Variants in CRIM1 observed in about 807,000 individuals in gnomAD.
CRIM1 encodes cysteine-rich motor neuron 1 protein.
CRIM1 carries 32 observed loss-of-function variants against 116.4 expected under a neutral mutation model. That is an observed-to-expected ratio of 0.27 (90% CI 0.21 to 0.37). The LOEUF is 0.37. CRIM1 is among the 10% of genes least tolerant of loss of function. The pLI is 1.00. For missense variants in CRIM1, 1,331 were observed against 1,354.8 expected, an observed-to-expected ratio of 0.98 and a Z score of 0.28; for synonymous variants, 590 against 509.2, an observed-to-expected ratio of 1.16 and a Z score of -2.13.
At chr2:36,543,080 A>ATGTT (rs1667059934) in intron 14 of CRIM1, among the ~76,000 whole-genome samples, 1 of 152,040 alleles carries the variant, frequency 6.6e-6, no homozygotes, top group African/African-American at 2.4e-5. Flanking sequence ...AGTTCTTTTT[A>ATGTT]TGTTTAAAGG....
At chr2:36,444,073 AG>A (rs1448327212) in intron 4 of CRIM1, among the ~76,000 whole-genome samples, 1 of 152,240 alleles carries the variant, frequency 6.6e-6, no homozygotes, top group East Asian at 1.9e-4. Context: ...ATGTCCCTTC[AG>A]GGTCTTCCTG....
rs546735906 is a variant in CRIM1 at position 36,478,343 on chromosome 2, A to T, written c.1175-1154A>T. 7.9e-5 allele frequency among the ~76,000 whole-genome samples: 12 copies of T among 152,308 alleles called. No individual in the cohort carries two copies. In the South Asian group the frequency reaches 2.5e-3, roughly 32 times the overall value. ...TGTTCCCTACCTGCCCCCAGTCTGC[A>T]ATAGTTCTGAAACTGTGCAGCAGTT... On this transcript the variant is annotated intron_variant, in intron 6 of 16. Coordinates refer to ENST00000280527, the MANE Select transcript of CRIM1 (RefSeq NM_016441.3).
At chr2:36,407,703 C>CAA (rs10719018) in intron 2 of CRIM1, among the ~76,000 whole-genome samples, 2,558 of 99,644 alleles carry the variant, frequency 0.026, 64 homozygotes, top group East Asian at 0.1. Flanking sequence ...TTGTGCCCGT[C>CAA]AAAAAAAAAA....
intron 1 of CRIM1, among the ~76,000 whole-genome samples, chr2:36,383,350 T>C (rs1425182363): frequency 6.6e-6 from 1 of 152,252 alleles, no homozygotes; most frequent in Non-Finnish European, 1.5e-5. Context: ...TCCTAGTCCT[T>C]GGAAGGCCTG....
At chr2:36,475,174 A>G (rs886313178) in intron 5 of CRIM1, among the ~76,000 whole-genome samples, 6 of 152,254 alleles carry the variant, frequency 3.9e-5, no homozygotes, top group African/African-American at 1.4e-4. Context: ...TTGAACATGT[A>G]GATCAATTTG....
At chr2:36,374,263 C>T (rs796805665) in intron 1 of CRIM1, among the ~76,000 whole-genome samples, 58 of 152,310 alleles carry the variant, frequency 3.8e-4, no homozygotes, top group African/African-American at 1.3e-3. Context: ...ATCTAAATTC[C>T]CTCTTTGTAG....
chr2:36,510,302 G>A (rs182909671), intron 9 of CRIM1, among the ~76,000 whole-genome samples, 163 bp downstream of exon 9: 5 of 152,182 alleles, frequency 3.3e-5, no homozygotes, highest in Admixed American at 1.3e-4. Context: ...GGAGAAGGTT[G>A]TATCTCCAAA....
chr2:36,506,179 TCTCA>T (rs1167768814), intron 8 of CRIM1, among the ~76,000 whole-genome samples: 1,190 of 91,534 alleles, frequency 0.013, 8 homozygotes, highest in African/African-American at 0.037. Flanking sequence ...TCTCTCTCTC[TCTCA>T]CACACACACA....
chr2:36,462,342 T>C lies in CRIM1; in HGVS notation c.870-2192T>C, dbSNP rs193116650. Among the ~76,000 whole-genome samples, 1,002 of 152,356 alleles carry C rather than the reference T, an allele frequency of 6.6e-3. 8 individuals carry two copies. Among genetic ancestry groups the C allele is most frequent in the Admixed American group, 0.013 (206 of 15,302 alleles). ...GTCTATAAGAAACTTGCACTTGTACTCCCTAAATGTATTTTTTAAATTGTA... is the reference window on the plus strand; with the variant it reads ...GTCTATAAGAAACTTGCACTTGTACCCCCTAAATGTATTTTTTAAATTGTA... On this transcript the variant is annotated intron_variant, in intron 4 of 16. Coordinates refer to ENST00000280527, the MANE Select transcript of CRIM1 (RefSeq NM_016441.3).
At chr2:36,377,353 G>C (rs1670403892) in intron 1 of CRIM1, among the ~76,000 whole-genome samples, 3 of 152,230 alleles carry the variant, frequency 2.0e-5, no homozygotes, top group African/African-American at 7.2e-5. Flanking sequence ...CTGCCCAGTA[G>C]AAATGACTTC....
chr2:36,531,815 G>A (rs1456086652), intron 13 of CRIM1: 1 of 450,516 alleles, frequency 2.2e-6, no homozygotes, highest in South Asian at 1.6e-5. Context: ...GAAAGACATT[G>A]TATATTTTTA....
intron 4 of CRIM1, among the ~76,000 whole-genome samples, chr2:36,443,456 GA>G (rs1403425509): frequency 2.0e-5 from 3 of 152,090 alleles, no homozygotes; most frequent in African/African-American, 7.2e-5. Flanking sequence ...GTTTTCCCCC[GA>G]CTACTCACCC....
chr2:36,520,869 G>C (rs535089581), intron 12 of CRIM1, among the ~76,000 whole-genome samples: 18 of 152,304 alleles, frequency 1.2e-4, no homozygotes, highest in African/African-American at 4.1e-4. Flanking sequence ...GTTGTTTCTG[G>C]TTCTTGACTA....
chr2:36,405,936 T>A (rs1672744556), intron 2 of CRIM1, among the ~76,000 whole-genome samples: 1 of 152,174 alleles, frequency 6.6e-6, no homozygotes, highest in African/African-American at 2.4e-5. Context: ...GAAAAATCAT[T>A]TGCTTTTAAT....
At chr2:36,494,004 T>C (rs1680411738) in intron 7 of CRIM1, among the ~76,000 whole-genome samples, 1 of 152,218 alleles carries the variant, frequency 6.6e-6, no homozygotes. Context: ...TTTCAGCTTC[T>C]TACTTCCTTG....
At chr2:36,375,262 A>G (rs1455680759) in intron 1 of CRIM1, among the ~76,000 whole-genome samples, 1 of 152,190 alleles carries the variant, frequency 6.6e-6, no homozygotes, top group Non-Finnish European at 1.5e-5. Flanking sequence ...TCGAAAAAAA[A>G]CTTCGGATCA....
chr2:36,408,878 G>GTGATCA (rs1424172129), intron 2 of CRIM1, among the ~76,000 whole-genome samples: 4 of 151,968 alleles, frequency 2.6e-5, no homozygotes, highest in Non-Finnish European at 5.9e-5. Context: ...AGTCAAAAAA[G>GTGATCA]TGATCATTTC....
At chr2:36,524,585 G>GA (rs148950446) in intron 13 of CRIM1, among the ~76,000 whole-genome samples, 4,306 of 152,186 alleles carry the variant, frequency 0.028, 61 homozygotes, top group African/African-American at 0.053. Context: ...ACCTTCAGAG[G>GA]AAAAATCTAA....
chr2:36,502,849 A>G (rs1681096966), intron 8 of CRIM1, among the ~76,000 whole-genome samples: 1 of 152,244 alleles, frequency 6.6e-6, no homozygotes, highest in Non-Finnish European at 1.5e-5. Context: ...CTTCAGGATC[A>G]GAGATGCCTT....
Sources: gnomAD v4.1 joint callset for allele counts (sites outside exome capture counted in the v4.1 genomes callset) on GRCh38, gnomAD v4.1.1 for gene constraint, MANE v1.5 for transcripts, NCBI Gene and HGNC (gene_info 2026-07-23, HGNC 2026-07-21) for gene names.